The following EIF4G3 variants were observed in gnomAD, a reference collection of about 807,000 sequenced individuals.
EIF4G3 encodes eIF-4-gamma 3.
A neutral mutation model predicts 186.4 loss-of-function variants in EIF4G3; 34 were observed. The ratio of observed to expected loss-of-function variants is 0.18; its 90% CI spans 0.14 to 0.24. The LOEUF (loss-of-function observed/expected upper bound fraction) is 0.24, where lower values mean the gene tolerates loss of function less well. EIF4G3 is among the 10% of genes least tolerant of loss of function. The probability of loss-of-function intolerance (pLI) is 1.00; values close to 1 mark genes in which losing one functional copy is unlikely to be tolerated. For synonymous variants in EIF4G3, 673 were observed against 679.5 expected, an observed-to-expected ratio of 0.99 and a Z score of 0.15; for missense variants, 1,536 against 1,948.5, an observed-to-expected ratio of 0.79 and a Z score of 3.99.
In EIF4G3 at chr1:20,807,495, G is replaced by A; in HGVS notation, c.4750C>T (p.Leu1584=). ...TATAGACAATCAAAAAACATCCGCA[G>A]CAAATCTGCAAGGAGGTGAAAATAA... ...IVKLDQPANL[L]RMFFDCLYDE... is the part of the protein sequence containing the mutation. The change falls in exon 37 of 37, where the codon CTG becomes TTG. Residue 1584 remains leucine (L), a synonymous_variant. Transcript: ENST00000602326. The A allele has an allele frequency of 6.3e-7, 1 of 1,581,872 alleles. No individual in the cohort carries two copies. The highest frequency in any genetic ancestry group is 8.6e-7 in the Non-Finnish European group (1 of 1,158,286).
chr1:21,008,465 T>C (rs762848459), intron 4 of EIF4G3, among the ~76,000 whole-genome samples: 24 of 151,890 alleles, frequency 1.6e-4, no homozygotes, highest in Non-Finnish European at 2.4e-4. Context: ...GCCTCCCGAG[T>C]AGCTGGGATT....
At chr1:21,067,813 T>C (rs1030357116) in intron 3 of EIF4G3, among the ~76,000 whole-genome samples, 2 of 152,032 alleles carry the variant, frequency 1.3e-5, no homozygotes, top group Non-Finnish European at 2.9e-5. Flanking sequence ...GTGAGAGTTA[T>C]TGAACTCTCT....
intron 2 of EIF4G3, among the ~76,000 whole-genome samples, chr1:21,097,393 C>CA (rs1385860751): frequency 6.6e-6 from 1 of 152,178 alleles, no homozygotes; most frequent in Non-Finnish European, 1.5e-5. Context: ...CTCAGTATCT[C>CA]AAACTGTTGT....
chr1:20,826,201 C>G (rs991194957), intron 32 of EIF4G3, among the ~76,000 whole-genome samples: 1 of 152,118 alleles, frequency 6.6e-6, no homozygotes, highest in African/African-American at 2.4e-5. Flanking sequence ...GAGTCTCTCT[C>G]TGTAGCTCAG....
At chr1:21,080,061 G>T (rs989445731) in intron 3 of EIF4G3, among the ~76,000 whole-genome samples, 1 of 151,632 alleles carries the variant, frequency 6.6e-6, no homozygotes, top group Non-Finnish European at 1.5e-5. Flanking sequence ...CGAGGCAAGA[G>T]AATTCCTTGA....
chr1:21,034,812 T>G (rs1166088062), intron 4 of EIF4G3, among the ~76,000 whole-genome samples: 1 of 152,186 alleles, frequency 6.6e-6, no homozygotes, highest in East Asian at 1.9e-4. Context: ...GGAGATCGTG[T>G]CCCCAGGATC....
chr1:20,876,802 A>G (rs913990781), intron 20 of EIF4G3, among the ~76,000 whole-genome samples: 1 of 152,060 alleles, frequency 6.6e-6, no homozygotes, highest in Admixed American at 6.6e-5. Context: ...TTTTGAGACC[A>G]ATCTGGGCAA....
intron 4 of EIF4G3, among the ~76,000 whole-genome samples, chr1:21,024,446 A>G (rs1284989272): frequency 6.6e-6 from 1 of 151,904 alleles, no homozygotes; most frequent in East Asian, 1.9e-4. Context: ...TGTGGAATAG[A>G]AAGGGGGGAA....
chr1:21,106,689 G>A (rs947882146), intron 2 of EIF4G3, among the ~76,000 whole-genome samples: 2 of 151,876 alleles, frequency 1.3e-5, no homozygotes, highest in Non-Finnish European at 2.9e-5. Context: ...ATACAAATTT[G>A]AAAGTAATGA....
intron 36 of EIF4G3, among the ~76,000 whole-genome samples, chr1:20,807,932 T>G (rs894617734): frequency 2.0e-5 from 3 of 151,280 alleles, no homozygotes; most frequent in Admixed American, 2.0e-4. Flanking sequence ...AAGCAATTTT[T>G]CCTGCCTCAG....
intron 3 of EIF4G3, among the ~76,000 whole-genome samples, chr1:21,063,708 G>T (rs949170685): frequency 3.6e-4 from 14 of 38,968 alleles, no homozygotes; most frequent in South Asian, 1.6e-3. Flanking sequence ...TTCATTTTGG[G>T]GGGGGGGGTG....
At chr1:20,883,494 G>A (rs908119637) in intron 19 of EIF4G3, among the ~76,000 whole-genome samples, 2 of 152,130 alleles carry the variant, frequency 1.3e-5, no homozygotes, top group African/African-American at 4.8e-5. Flanking sequence ...GGACACGCCT[G>A]TAATACCAAC....
At position 20,942,218 on chromosome 1, in the gene EIF4G3, T is replaced by C. The variant is rs758671536; in HGVS notation, c.936A>G (p.Ile312Met). ...QEGQTSETTAIVSIAELPLPP... is the reference protein window; with the variant it reads ...QEGQTSETTAMVSIAELPLPP... Reference sequence around the variant, plus strand: ...GCAGAGGAAGCTCTGCTATGGATACTATTGCAGTAGTTTCAGATGTCTGGC... The same window carrying C: ...GCAGAGGAAGCTCTGCTATGGATACCATTGCAGTAGTTTCAGATGTCTGGC... The change falls in exon 14 of 37, where the codon ATA becomes ATG. Residue 312 changes from isoleucine (I) to methionine (M), a missense_variant. This residue lies in a region of EIF4G3 where 560 missense variants were observed against 547.8 expected (regional missense o/e 1.02). Coordinates refer to ENST00000602326, the MANE Select transcript of EIF4G3 (RefSeq NM_001391906.1). 15 of 1,614,084 alleles carry C rather than the reference T, an allele frequency of 9.3e-6. No homozygotes were observed. In the East Asian group the frequency reaches 3.1e-4, roughly 34 times the overall value.
At chr1:21,001,097 C>A in intron 6 of EIF4G3, 102 bp downstream of exon 6, 1 of 427,110 alleles carries the variant, frequency 2.3e-6, no homozygotes. Flanking sequence ...AGGAAGCAAT[C>A]AATGCATTTC....
intron 2 of EIF4G3, among the ~76,000 whole-genome samples, chr1:21,129,434 G>C (rs1041431882): frequency 6.6e-6 from 1 of 152,078 alleles, no homozygotes; most frequent in African/African-American, 2.4e-5. Flanking sequence ...ACATTCACTT[G>C]CAAGTTCTTC....
intron 2 of EIF4G3, among the ~76,000 whole-genome samples, chr1:21,170,129 T>C (rs2097926682): frequency 6.6e-6 from 1 of 152,140 alleles, no homozygotes; most frequent in East Asian, 1.9e-4. Context: ...GAACTGAGAT[T>C]GTGCCACTAG....
intron 3 of EIF4G3, among the ~76,000 whole-genome samples, chr1:21,085,105 G>T (rs113158960): frequency 1.1e-3 from 160 of 149,806 alleles, no homozygotes; most frequent in African/African-American, 3.9e-3. Context: ...CGAGATAAAG[G>T]GACAGAATAA....
intron 16 of EIF4G3, 113 bp downstream of exon 16, chr1:20,899,584 T>C (rs2089610836): frequency 7.6e-7 from 1 of 1,323,044 alleles, no homozygotes; most frequent in Non-Finnish European, 1.0e-6. Context: ...GTAAATATTA[T>C]ATTGTGATAA....
intron 34 of EIF4G3, among the ~76,000 whole-genome samples, chr1:20,813,898 A>G (rs150826021): frequency 1.3e-5 from 2 of 149,654 alleles, no homozygotes; most frequent in African/African-American, 4.9e-5. Context: ...CAGATAAATG[A>G]TCTCTTGAAC....
Sources: gnomAD v4.1 joint callset for allele counts (sites outside exome capture counted in the v4.1 genomes callset) on GRCh38, gnomAD v4.1.1 for gene constraint, gnomAD v4.1.1 regional missense constraint, MANE v1.5 for transcripts, NCBI Gene and HGNC (gene_info 2026-07-23, HGNC 2026-07-21) for gene names.